The following SPTA1 variants were observed in gnomAD, a reference collection of about 807,000 sequenced individuals.
SPTA1 encodes spectrin alpha, erythrocytic 1.
In SPTA1, 177 loss-of-function variants were observed where a neutral mutation model predicts 324.7. The ratio of observed to expected loss-of-function variants is 0.55; its 90% CI spans 0.48 to 0.62. The LOEUF (loss-of-function observed/expected upper bound fraction) is 0.62. Ranked by LOEUF, SPTA1 falls within the 20% of genes least tolerant of loss-of-function variation. The pLI, the probability that SPTA1 is intolerant of heterozygous loss-of-function variation, is 0.00. For missense variants in SPTA1, 3,162 were observed against 2,883.6 expected (o/e 1.10, Z -2.21); for synonymous variants, 1,195 against 1,041.3 (o/e 1.15, Z -2.84).
In SPTA1 at chr1:158,618,046, G is replaced by T. The variant is rs750365338; in HGVS notation, c.6541C>A (p.Leu2181Met). 1 of 1,611,682 alleles carries T rather than the reference G, an allele frequency of 6.2e-7. No individual in the cohort carries two copies. The highest frequency in any genetic ancestry group is 8.5e-7 in the Non-Finnish European group (1 of 1,177,746). ...ATAACATAAAATACTGACCCATCCA[G>T]AAAGTAAGCCCTGGACATGGAGGTC... ...QWILETRAYF[L>M]DGSLLKETGT... Residue 2181 changes from leucine (L) to methionine (M), a missense_variant, in exon 46 of 52, where the codon CTG (leucine) becomes ATG (methionine). Transcript: ENST00000643759.
chr1:158,666,316 C>A lies in SPTA1; in HGVS notation c.2220G>T (p.Gln740His). The A allele has an allele frequency of 6.2e-7, 1 of 1,613,332 alleles. No individual in the cohort carries two copies. The highest frequency in any genetic ancestry group is 8.5e-7 in the Non-Finnish European group (1 of 1,179,892). ...GCTGGCCAAAGAGCTAACAACAAAC[C>A]TGACGAGCAGCCACAGCCGACTCCA... ...GLLESAVAAR[Q>H]DQVDILTDLA... The change falls in exon 16 of 52, where the codon CAG (glutamine) becomes CAT (histidine). Residue 740 changes from glutamine to histidine, a missense_variant and splice_region_variant. Gln to His is a conservative substitution (Grantham distance 24). Coordinates refer to ENST00000643759, the MANE Select transcript of SPTA1 (RefSeq NM_003126.4).
rs879208333 is a variant in SPTA1 at position 158,611,131 on chromosome 1, G to GCGCACACACACACA, written c.*132_*133insTGTGTGTGTGTGCG. The GCGCACACACACACA allele has an allele frequency of 1.6e-5, 11 of 671,434 alleles. No individual in the cohort carries two copies. The highest frequency in any genetic ancestry group is 5.6e-5 in the African/African-American group (3 of 53,516). The allele number at this position is 671,434 out of a possible 1,614,324, so 41.6% of individuals were successfully genotyped here. On this transcript the variant is annotated 3_prime_UTR_variant, in exon 52 of 52. Coordinates refer to ENST00000643759, the MANE Select transcript of SPTA1 (RefSeq NM_003126.4). ...AAATGTAATATGCACACAAACACAAGCACACACACACACACACACACACAC... is the reference window on the plus strand; with the variant it reads ...AAATGTAATATGCACACAAACACAAGCGCACACACACACACACACACACACACACACACACACAC...
At chr1:158,643,163 A>G (rs982572600) in intron 31 of SPTA1, among the ~76,000 whole-genome samples, 159 bp downstream of exon 31, 5 of 152,150 alleles carry the variant, frequency 3.3e-5, no homozygotes, top group African/African-American at 1.2e-4. Context: ...CATGTCTTTC[A>G]TTCTATAAAT....
intron 10 of SPTA1, 112 bp downstream of exon 10, chr1:158,674,217 C>G: frequency 9.1e-7 from 1 of 1,103,560 alleles, no homozygotes; most frequent in Non-Finnish European, 1.4e-6. Context: ...ATTATTAACA[C>G]GTTTAAATGA....
chr1:158,638,010 A>T lies in SPTA1; in HGVS notation c.5189+23T>A, dbSNP rs559701157. 1.9e-4 allele frequency: 303 copies of T among 1,611,934 alleles called. No homozygotes were observed. The highest frequency in any genetic ancestry group is 2.5e-4 in the Non-Finnish European group (294 of 1,178,878). ...ATCTACTCGCTTGTATTATCCACAC[A>T]TTTTTGAGCTGGTGGCACATACTCT... is the stretch of plus-strand genomic sequence containing the variant. On this transcript the variant is annotated intron_variant, in intron 36 of 51. Transcript: ENST00000643759.
chr1:158,651,732 CT>C (rs747466148), intron 23 of SPTA1, among the ~76,000 whole-genome samples: 14 of 152,258 alleles, frequency 9.2e-5, no homozygotes, highest in Admixed American at 3.3e-4. Context: ...AAAATCTCCC[CT>C]GGATTAAATT....
At position 158,663,044 on chromosome 1, in the gene SPTA1, C is replaced by T; in HGVS notation, c.2221-99G>A. On this transcript the variant is annotated intron_variant, in intron 16 of 51. Coordinates refer to ENST00000643759, the MANE Select transcript of SPTA1 (RefSeq NM_003126.4). ...AAACGGGGTCATGGGAAAATCAGTT[C>T]CCATATGCATTGTGTTCTGATCTCT... 4 of 1,521,526 alleles carry T rather than the reference C, an allele frequency of 2.6e-6. No individual in the cohort carries two copies. In the East Asian group the frequency reaches 9.1e-5, roughly 35 times the overall value. 94.3% of individuals were successfully genotyped at this position (1,521,526 alleles called of 1,614,324 possible).
At chr1:158,640,876 G>A (rs544208300) in intron 33 of SPTA1, among the ~76,000 whole-genome samples, 10 of 152,224 alleles carry the variant, frequency 6.6e-5, no homozygotes, top group African/African-American at 2.4e-4. Flanking sequence ...AAAGAACAAA[G>A]CTGGAGGCAT....
At chr1:158,660,409 A>C (rs1428275903) in intron 18 of SPTA1, among the ~76,000 whole-genome samples, 1 of 152,204 alleles carries the variant, frequency 6.6e-6, no homozygotes, top group Non-Finnish European at 1.5e-5. Context: ...AGAACAAAGA[A>C]TTTCACCAGG....
intron 37 of SPTA1, among the ~76,000 whole-genome samples, chr1:158,636,237 AATAT>A (rs1651060178): frequency 6.6e-6 from 1 of 152,118 alleles, no homozygotes; most frequent in Admixed American, 6.5e-5. Flanking sequence ...AGTATTTGCA[AATAT>A]ATCAGTACTT....
chr1:158,644,136 C>CAAA, intron 30 of SPTA1, 117 bp downstream of exon 30: 36 of 1,111,230 alleles, frequency 3.2e-5, no homozygotes, highest in African/African-American at 3.7e-5. Flanking sequence ...GACTCCATCT[C>CAAA]AAAAAAAAAA....
chr1:158,621,810 A>G (rs1442351275), intron 43 of SPTA1, among the ~76,000 whole-genome samples: 1 of 152,214 alleles, frequency 6.6e-6, no homozygotes, highest in Non-Finnish European at 1.5e-5. Flanking sequence ...GTTACCAAGT[A>G]CAATGATTCT....
At chr1:158,651,012 G>C (rs1206550496) in intron 24 of SPTA1, among the ~76,000 whole-genome samples, 1 of 152,174 alleles carries the variant, frequency 6.6e-6, no homozygotes, top group South Asian at 2.1e-4. Context: ...CTAATGTCCA[G>C]TGTAATATTA....
intron 27 of SPTA1, among the ~76,000 whole-genome samples, chr1:158,646,228 GC>G (rs1236306861): frequency 2.0e-5 from 3 of 151,964 alleles, no homozygotes; most frequent in Non-Finnish European, 4.4e-5. Context: ...TTCTTAAAAG[GC>G]AAATTTTAAC....
At chr1:158,617,973 C>G (rs1571375340) in intron 46 of SPTA1, 66 bp downstream of exon 46, 1 of 1,477,696 alleles carries the variant, frequency 6.8e-7, no homozygotes, top group East Asian at 2.3e-5. Context: ...AGCACTAACT[C>G]TTTCTTAACG....
At chr1:158,680,755 T>G (rs764528079) in intron 4 of SPTA1, 26 bp from the exon 5 acceptor site, 2 of 1,613,004 alleles carry the variant, frequency 1.2e-6, no homozygotes, top group East Asian at 2.2e-5. Flanking sequence ...TTGATTGAGT[T>G]GCCAGCAAAC....
intron 38 of SPTA1, among the ~76,000 whole-genome samples, chr1:158,635,261 T>C (rs192182593): frequency 4.6e-5 from 7 of 152,204 alleles, no homozygotes; most frequent in Admixed American, 3.9e-4. Flanking sequence ...GTTTTCATGA[T>C]AGTGAGTGAG....
chr1:158,618,912 C>T (rs763395255), intron 45 of SPTA1, among the ~76,000 whole-genome samples: 1 of 152,112 alleles, frequency 6.6e-6, no homozygotes, highest in Non-Finnish European at 1.5e-5. Flanking sequence ...TGCAATATGG[C>T]ATGTGAACAT....
intron 24 of SPTA1, 122 bp from the exon 25 acceptor site, chr1:158,650,069 A>G (rs941677230): frequency 2.6e-6 from 2 of 769,322 alleles, no homozygotes; most frequent in Non-Finnish European, 4.5e-6. Context: ...CAGAAATTGC[A>G]TAGCTTTGCT....
Sources: allele counts gnomAD v4.1 joint callset (sites outside exome capture counted in the v4.1 genomes callset), GRCh38; gene constraint gnomAD v4.1.1; transcripts MANE v1.5; gene names NCBI Gene and HGNC (gene_info 2026-07-23, HGNC 2026-07-21).